The following PPP1R42 variants were observed in gnomAD, a reference collection of about 807,000 sequenced individuals.
The protein encoded by PPP1R42 is protein phosphatase 1 regulatory subunit 42, also known as leucine rich repeat containing 67.
PPP1R42 carries 34 observed loss-of-function variants against 31.0 expected under a neutral mutation model. The ratio of observed to expected loss-of-function variants is 1.10; its 90% CI spans 0.83 to 1.46. The LOEUF (loss-of-function observed/expected upper bound fraction) is 1.46. PPP1R42 is among the 40% of genes most tolerant of loss of function. The pLI, the probability that PPP1R42 is intolerant of heterozygous loss-of-function variation, is 0.00. For missense variants in PPP1R42, 268 were observed against 303.0 expected, an observed-to-expected ratio of 0.88 and a Z score of 0.86; for synonymous variants, 103 against 109.8, an observed-to-expected ratio of 0.94 and a Z score of 0.39.
intron 5 of PPP1R42, among the ~76,000 whole-genome samples, chr8:67,004,644 T>C (rs1222009272): frequency 6.6e-6 from 1 of 152,230 alleles, no homozygotes; most frequent in African/African-American, 2.4e-5. Context: ...GGTTATGGAA[T>C]CTTTTTCATT....
At chr8:66,979,838 T>A (rs1416631082) in intron 7 of PPP1R42, among the ~76,000 whole-genome samples, 1 of 152,198 alleles carries the variant, frequency 6.6e-6, no homozygotes, top group Non-Finnish European at 1.5e-5. Context: ...TTTAAAGACA[T>A]ATTATTATTT....
chr8:67,003,960 G>GCT (rs1815591763), intron 5 of PPP1R42, among the ~76,000 whole-genome samples: 1 of 152,068 alleles, frequency 6.6e-6, no homozygotes, highest in African/African-American at 2.4e-5. Context: ...CGTGGTGGCG[G>GCT]GCGCCTGTAG....
intron 5 of PPP1R42, among the ~76,000 whole-genome samples, chr8:67,004,008 T>A (rs1224620008): frequency 6.6e-6 from 1 of 151,988 alleles, no homozygotes; most frequent in Non-Finnish European, 1.5e-5. Flanking sequence ...GAGAATGGCG[T>A]TAACCTGGGA....
intron 1 of PPP1R42, among the ~76,000 whole-genome samples, chr8:67,019,221 C>T (rs1226362295): frequency 6.7e-6 from 1 of 148,966 alleles, no homozygotes; most frequent in African/African-American, 2.5e-5. Context: ...CACCACTACG[C>T]CTGGTTTATG....
At chr8:66,979,287 A>C (rs556504805) in intron 7 of PPP1R42, among the ~76,000 whole-genome samples, 1 of 152,160 alleles carries the variant, frequency 6.6e-6, no homozygotes, top group Non-Finnish European at 1.5e-5. Flanking sequence ...CAGTTTTCCC[A>C]TCACCATTTA....
chr8:67,019,817 G>C (rs543774614), intron 1 of PPP1R42, among the ~76,000 whole-genome samples: 3 of 151,618 alleles, frequency 2.0e-5, no homozygotes, highest in Admixed American at 1.3e-4. Flanking sequence ...GAACCTGGGA[G>C]GGGGAGCTTG....
chr8:67,014,314 T>C lies in PPP1R42; in HGVS notation c.296+112A>G. 5.4e-6 allele frequency: 3 copies of C among 559,154 alleles called. No homozygotes were observed. In the South Asian group the frequency reaches 1.2e-4, roughly 22 times the overall value. 34.6% of individuals were successfully genotyped at this position (559,154 alleles called of 1,614,324 possible). A position where few individuals can be genotyped will look rare whatever the true frequency, so the allele number is the denominator to read the frequency against. ...AGTATGAAATCATATCAATTTCATA[T>C]TGAATTTACTTTTGGAATTTAATGC... On this transcript the variant is annotated intron_variant, in intron 3 of 7. Transcript: ENST00000685739.
chr8:66,975,739 A>C (rs1470224405), intron 7 of PPP1R42, among the ~76,000 whole-genome samples: 8 of 152,164 alleles, frequency 5.3e-5, no homozygotes, highest in Non-Finnish European at 1.0e-4. Flanking sequence ...AATTTAAAAA[A>C]ATTTAGTTGA....
intron 7 of PPP1R42, among the ~76,000 whole-genome samples, chr8:66,978,791 G>T (rs1010479728): frequency 6.6e-6 from 1 of 152,128 alleles, no homozygotes; most frequent in South Asian, 2.1e-4. Flanking sequence ...TTGTGGTTTT[G>T]ATTTGCATCC....
Position 67,020,519 on chromosome 8 carries a change from C to G in PPP1R42, c.-84-2688G>C, listed in dbSNP as rs574844371. Among the ~76,000 whole-genome samples, 38 of 152,270 alleles carry G rather than the reference C, an allele frequency of 2.5e-4. No homozygotes were observed. In the South Asian group the frequency reaches 7.7e-3, roughly 31 times the overall value. On this transcript the variant is annotated intron_variant, in intron 1 of 7. Coordinates refer to ENST00000685739, the MANE Select transcript of PPP1R42 (RefSeq NM_001364910.1). ...CCCGGCCAATCCAGGGTTTTTCAAT[C>G]CAGATTGCCTGGTTCCAATTTTGGC...
At chr8:66,996,478 C>G (rs1204752642) in intron 5 of PPP1R42, among the ~76,000 whole-genome samples, 1 of 152,194 alleles carries the variant, frequency 6.6e-6, no homozygotes, top group Non-Finnish European at 1.5e-5. Flanking sequence ...TTTCTATGTA[C>G]TTACCACAGT....
At chr8:66,985,996 G>T in intron 6 of PPP1R42, 1 of 747,574 alleles carries the variant, frequency 1.3e-6, no homozygotes, top group Non-Finnish European at 2.5e-6. Context: ...GACTTGGAAT[G>T]CCTAGAGCTT....
intron 1 of PPP1R42, among the ~76,000 whole-genome samples, chr8:67,022,092 T>C (rs1816237743): frequency 6.6e-6 from 1 of 152,174 alleles, no homozygotes; most frequent in African/African-American, 2.4e-5. Context: ...TACTATATAC[T>C]GCCAAATTTT....
chr8:67,017,564 C>G (rs1816053594), intron 2 of PPP1R42, 55 bp downstream of exon 2: 12 of 1,034,786 alleles, frequency 1.2e-5, no homozygotes, highest in Non-Finnish European at 1.6e-5. Context: ...CAAACCAATT[C>G]CTAAATTTTA....
chr8:66,999,557 C>T (rs1395096399), intron 5 of PPP1R42, among the ~76,000 whole-genome samples: 1 of 152,110 alleles, frequency 6.6e-6, no homozygotes, highest in East Asian at 1.9e-4. Context: ...CCACATTGCC[C>T]AGCCTGGGTT....
intron 4 of PPP1R42, among the ~76,000 whole-genome samples, chr8:67,011,954 C>A (rs115542491): frequency 0.011 from 1,668 of 152,262 alleles, 30 homozygotes; most frequent in African/African-American, 0.038. Context: ...ATCCACTATC[C>A]TCTATTTCTG....
At chr8:67,026,595 G>A (rs1267789777) in intron 1 of PPP1R42, among the ~76,000 whole-genome samples, 1 of 152,090 alleles carries the variant, frequency 6.6e-6, no homozygotes, top group Non-Finnish European at 1.5e-5. Context: ...CAGCACTTTG[G>A]GAGGCTGAGG....
chr8:66,970,528 C>T (rs1429238375), intron 7 of PPP1R42, among the ~76,000 whole-genome samples: 1 of 152,236 alleles, frequency 6.6e-6, no homozygotes, highest in Non-Finnish European at 1.5e-5. Flanking sequence ...TCAGAGACAA[C>T]AGCTTAAAAA....
chr8:66,993,473 C>T (rs1585656223), intron 5 of PPP1R42, among the ~76,000 whole-genome samples: 1 of 152,302 alleles, frequency 6.6e-6, no homozygotes, highest in Non-Finnish European at 1.5e-5. Flanking sequence ...AGCTTCTTAT[C>T]CCTCATATTT....
Sources: allele counts gnomAD v4.1 joint callset (sites outside exome capture counted in the v4.1 genomes callset), GRCh38; gene constraint gnomAD v4.1.1; transcripts MANE v1.5; gene names NCBI Gene and HGNC (gene_info 2026-07-23, HGNC 2026-07-21).